SMARCC1: variants seen among roughly 807,000 people sequenced by gnomAD.
SMARCC1 encodes the protein SWI/SNF related BAF chromatin remodeling complex subunit C1, also known as SWI/SNF complex subunit SMARCC1.
In SMARCC1, 43 loss-of-function variants were observed where a neutral mutation model predicts 147.4. That is an observed-to-expected ratio of 0.29 (90% CI 0.23 to 0.38). SMARCC1 has a LOEUF of 0.38. Among genes scored for constraint, SMARCC1 ranks in the 10% least tolerant of loss-of-function variants. The pLI is 1.00. For missense variants in SMARCC1, 1,119 were observed against 1,381.1 expected, an observed-to-expected ratio of 0.81 and a Z score of 3.01; for synonymous variants, 495 against 484.4, an observed-to-expected ratio of 1.02 and a Z score of -0.29.
chr3:47,590,982 AT>A, intron 26 of SMARCC1, 145 bp from the exon 27 acceptor site: 1 of 740,352 alleles, frequency 1.4e-6, no homozygotes. Flanking sequence ...AATAATCTCT[AT>A]GTTTAGCTTT....
chr3:47,585,486 G>A lies in SMARCC1; in HGVS notation c.*2723C>T, dbSNP rs2032056958. On this transcript the variant is annotated 3_prime_UTR_variant, in exon 28 of 28. Transcript: ENST00000254480. The stretch of plus-strand genomic sequence containing the variant: ...TGAAAACAATCACTTCTTTTTTTCT[G>A]CACAGGGTTTATATCTGTGAGTACC... The A allele has an allele frequency of 6.6e-6, 1 of 152,100 alleles. No homozygotes were observed. The highest frequency in any genetic ancestry group is 2.1e-4 in the South Asian group (1 of 4,822). 9.4% of individuals were successfully genotyped at this position (152,100 alleles called of 1,614,324 possible).
chr3:47,723,803 C>T (rs2034265463), intron 6 of SMARCC1, among the ~76,000 whole-genome samples: 1 of 151,874 alleles, frequency 6.6e-6, no homozygotes, highest in African/African-American at 2.4e-5. Context: ...AAGAGTGAAA[C>T]TCCGTCTCAA....
At chr3:47,610,476 C>CA in intron 25 of SMARCC1, 149 bp from the exon 26 acceptor site, 1 of 764,558 alleles carries the variant, frequency 1.3e-6, no homozygotes. Context: ...ACAGTGAGAA[C>CA]AAAGGCATTA....
intron 6 of SMARCC1, among the ~76,000 whole-genome samples, chr3:47,726,891 T>C (rs1162750258): frequency 1.3e-5 from 2 of 150,538 alleles, no homozygotes; most frequent in Non-Finnish European, 3.0e-5. Context: ...TAAAATTTCC[T>C]TTTTTTTTCA....
At chr3:47,764,453 T>C (rs747984511) in intron 2 of SMARCC1, among the ~76,000 whole-genome samples, 1 of 152,048 alleles carries the variant, frequency 6.6e-6, no homozygotes, top group Non-Finnish European at 1.5e-5. Context: ...AAATGAAACA[T>C]CAATCAAATA....
At chr3:47,662,746 A>G (rs1372475656) in intron 19 of SMARCC1, among the ~76,000 whole-genome samples, 154 bp from the exon 20 acceptor site, 1 of 152,110 alleles carries the variant, frequency 6.6e-6, no homozygotes, top group Non-Finnish European at 1.5e-5. Context: ...ATTTTCAATC[A>G]GGCAAGTAAA....
chr3:47,767,189 GA>G (rs375076788), intron 2 of SMARCC1, among the ~76,000 whole-genome samples: 177 of 80,162 alleles, frequency 2.2e-3, no homozygotes, highest in Non-Finnish European at 2.5e-3. Flanking sequence ...TCTCCAAAAA[GA>G]AAAAAAAAAA....
At chr3:47,675,706 G>C (rs1197892904) in intron 17 of SMARCC1, 118 bp from the exon 18 acceptor site, 1 of 558,598 alleles carries the variant, frequency 1.8e-6, no homozygotes, top group Non-Finnish European at 3.2e-6. Flanking sequence ...CCAGCACTTT[G>C]GGAGGCCGAG....
At chr3:47,697,278 G>C (rs1322846996) in intron 11 of SMARCC1, among the ~76,000 whole-genome samples, 1 of 151,850 alleles carries the variant, frequency 6.6e-6, no homozygotes, top group Non-Finnish European at 1.5e-5. Context: ...ACTCCAGCCT[G>C]GGCGAAAGAG....
intron 24 of SMARCC1, among the ~76,000 whole-genome samples, chr3:47,630,146 A>AT (rs1452001770): frequency 1.1e-5 from 1 of 87,928 alleles, no homozygotes; most frequent in African/African-American, 4.7e-5. Flanking sequence ...ATGAAAGACA[A>AT]TTTTTTCCAC....
chr3:47,683,779 T>G (rs2033684384), intron 14 of SMARCC1, among the ~76,000 whole-genome samples: 1 of 152,064 alleles, frequency 6.6e-6, no homozygotes, highest in Admixed American at 6.5e-5. Flanking sequence ...ATCAGCAATG[T>G]AGACAACTTT....
chr3:47,618,324 T>C (rs932962698), intron 25 of SMARCC1, among the ~76,000 whole-genome samples: 5 of 151,896 alleles, frequency 3.3e-5, no homozygotes, highest in African/African-American at 1.2e-4. Context: ...GGAGGACTGC[T>C]TGAGGCAAGG....
chr3:47,673,396 G>GA (rs1419454380), intron 18 of SMARCC1, among the ~76,000 whole-genome samples: 1 of 29,386 alleles, frequency 3.4e-5, no homozygotes, highest in Non-Finnish European at 1.1e-4. Flanking sequence ...AAAAAAAAAA[G>GA]GGTGGGGGGG....
intron 14 of SMARCC1, among the ~76,000 whole-genome samples, chr3:47,683,336 G>A (rs958800530): frequency 4.6e-5 from 7 of 151,902 alleles, no homozygotes; most frequent in Non-Finnish European, 8.8e-5. Context: ...GTGAGCCATC[G>A]CGCCCGGCCT....
At chr3:47,633,702 C>G (rs1408880073) in intron 24 of SMARCC1, among the ~76,000 whole-genome samples, 1 of 139,550 alleles carries the variant, frequency 7.2e-6, no homozygotes, top group Non-Finnish European at 1.5e-5. Flanking sequence ...CAAGATCACA[C>G]CACTGCACTA....
chr3:47,665,569 T>C (rs1241346918), intron 19 of SMARCC1, among the ~76,000 whole-genome samples: 1 of 152,168 alleles, frequency 6.6e-6, no homozygotes. Context: ...GGGAAACTTC[T>C]GAGATACAAA....
At chr3:47,713,274 C>T (rs1027377167) in intron 8 of SMARCC1, among the ~76,000 whole-genome samples, 8 of 151,732 alleles carry the variant, frequency 5.3e-5, no homozygotes, top group Non-Finnish European at 1.0e-4. Flanking sequence ...GCCGAGATCG[C>T]GCCACTGCAC....
At chr3:47,771,644 T>C (rs2034915665) in intron 2 of SMARCC1, among the ~76,000 whole-genome samples, 1 of 152,042 alleles carries the variant, frequency 6.6e-6, no homozygotes, top group Non-Finnish European at 1.5e-5. Flanking sequence ...CTCAGGAGGC[T>C]GAGGCAGGAG....
At chr3:47,680,348 G>T in intron 15 of SMARCC1, 89 bp downstream of exon 15, 1 of 853,824 alleles carries the variant, frequency 1.2e-6, no homozygotes. Flanking sequence ...AAACTTCCAA[G>T]AATCAGCAAT....
Sources: allele counts gnomAD v4.1 joint callset (sites outside exome capture counted in the v4.1 genomes callset), GRCh38; gene constraint gnomAD v4.1.1; transcripts MANE v1.5; gene names NCBI Gene and HGNC (gene_info 2026-07-23, HGNC 2026-07-21).